The following ZNF385D variants were observed in gnomAD, a reference collection of about 807,000 sequenced individuals.
The protein encoded by ZNF385D is zinc finger protein 659.
Under a neutral mutation model 35.8 loss-of-function variants are expected in ZNF385D, and 15 were observed. The ratio of observed to expected loss-of-function variants is 0.42; its 90% CI spans 0.28 to 0.64. The LOEUF (loss-of-function observed/expected upper bound fraction) is 0.64, where lower values mean the gene tolerates loss of function less well. Among genes scored for constraint, ZNF385D ranks in the 30% least tolerant of loss-of-function variants. ZNF385D has a pLI of 0.23. For missense variants in ZNF385D, 474 were observed against 494.6 expected (o/e 0.96, Z 0.39); for synonymous variants, 212 against 186.8 (o/e 1.13, Z -1.10).
At chr3:21,924,884 C>T (rs1218164429) in intron 3 of ZNF385D, among the ~76,000 whole-genome samples, 1 of 152,252 alleles carries the variant, frequency 6.6e-6, no homozygotes, top group African/African-American at 2.4e-5. Flanking sequence ...CCCTACCTGG[C>T]AGTAAGAAAG....
intron 4 of ZNF385D, among the ~76,000 whole-genome samples, chr3:21,440,342 C>A (rs1302549330): frequency 1.3e-5 from 2 of 152,054 alleles, no homozygotes; most frequent in African/African-American, 2.4e-5. Context: ...CTTCTCGTAA[C>A]CCCTGTCTAA....
At chr3:22,004,023 A>C (rs1423690657) in intron 3 of ZNF385D, among the ~76,000 whole-genome samples, 1 of 152,316 alleles carries the variant, frequency 6.6e-6, no homozygotes, top group Middle Eastern at 3.4e-3. Flanking sequence ...AGTAACTAAA[A>C]CAGTACAGTA....
chr3:22,034,135 C>T (rs929415310), intron 3 of ZNF385D, among the ~76,000 whole-genome samples: 21 of 152,216 alleles, frequency 1.4e-4, no homozygotes, highest in African/African-American at 4.1e-4. Context: ...CAAATTCATA[C>T]CTTGAAACTT....
chr3:21,479,480 G>T (rs1355224109), intron 4 of ZNF385D, among the ~76,000 whole-genome samples: 1 of 152,030 alleles, frequency 6.6e-6, no homozygotes, highest in East Asian at 1.9e-4. Context: ...CTCTACTAAA[G>T]AGTAGATTTC....
chr3:22,170,058 T>C lies in ZNF385D; in HGVS notation c.107-1023A>G, dbSNP rs80009509. Reference sequence around the variant, plus strand: ...TAATACCTCATTTCTAAGTTTTCTCTACTTCCACTACCCAAGCCTCTCTAG... The same window carrying C: ...TAATACCTCATTTCTAAGTTTTCTCCACTTCCACTACCCAAGCCTCTCTAG... On this transcript the variant is annotated intron_variant, in intron 2 of 5. Coordinates refer to the ZNF385D transcript ENST00000494108. Among the ~76,000 whole-genome samples, 724 of 152,366 alleles carry C rather than the reference T, an allele frequency of 4.8e-3. 5 individuals are homozygous for C. Among genetic ancestry groups the C allele is most frequent in the African/African-American group, 0.016 (680 of 41,588 alleles).
At chr3:22,349,316 C>T (rs1274853440) in intron 2 of ZNF385D, among the ~76,000 whole-genome samples, 1 of 152,108 alleles carries the variant, frequency 6.6e-6, no homozygotes, top group Admixed American at 6.5e-5. Context: ...ACTTGTTCAC[C>T]ATATTCACTG....
chr3:21,940,402 G>A (rs1243942075), intron 3 of ZNF385D, among the ~76,000 whole-genome samples: 1 of 152,188 alleles, frequency 6.6e-6, no homozygotes. Flanking sequence ...TACTTGGCAA[G>A]TAAATTGGAT....
At chr3:21,881,450 A>C (rs1431881994) in intron 3 of ZNF385D, among the ~76,000 whole-genome samples, 1 of 152,008 alleles carries the variant, frequency 6.6e-6, no homozygotes, top group African/African-American at 2.4e-5. Context: ...ATATTGATTT[A>C]CTGATTATTT....
In ZNF385D at chr3:22,244,679, T is replaced by A. The variant is rs1451083380; in HGVS notation, c.107-75644A>T. Among the ~76,000 whole-genome samples the A allele has an allele frequency of 3.3e-5, 5 of 151,100 alleles. 1 individual carries two copies. The highest frequency in any genetic ancestry group is 1.2e-4 in the African/African-American group (5 of 40,838). On this transcript the variant is annotated intron_variant, in intron 2 of 5. Transcript: ENST00000494108. Reference sequence around the variant, plus strand: ...TATCCCTTAAATACAAATGACTTCATGGTCTGCAACTCTATGCTGAATTTA... The same window carrying A: ...TATCCCTTAAATACAAATGACTTCAAGGTCTGCAACTCTATGCTGAATTTA...
intron 1 of ZNF385D, among the ~76,000 whole-genome samples, chr3:21,687,947 T>C (rs1431509642): frequency 6.6e-6 from 1 of 152,060 alleles, no homozygotes; most frequent in Non-Finnish European, 1.5e-5. Flanking sequence ...AGGCTTGGAA[T>C]GCAGTAGCAC....
chr3:22,006,874 C>G (rs1696243081), intron 3 of ZNF385D, among the ~76,000 whole-genome samples: 1 of 151,716 alleles, frequency 6.6e-6, no homozygotes, highest in South Asian at 2.1e-4. Context: ...AGAGAGACAT[C>G]AGAAACCAAG....
At position 21,873,570 on chromosome 3, in the gene ZNF385D, C is replaced by G. The variant is rs1697805503; in HGVS notation, c.326-208542G>C. Among the ~76,000 whole-genome samples the G allele has an allele frequency of 2.0e-5, 3 of 152,060 alleles. No homozygotes were observed. In the South Asian group the frequency reaches 6.2e-4, roughly 31 times the overall value. On this transcript the variant is annotated intron_variant, in intron 3 of 5. Coordinates refer to the ZNF385D transcript ENST00000494108. ...TAACTATAAGCACTATGTTACACAGCTGATCTGCAGAACTTTTGCATCCTG... is the reference window on the plus strand; with the variant it reads ...TAACTATAAGCACTATGTTACACAGGTGATCTGCAGAACTTTTGCATCCTG...
intron 3 of ZNF385D, among the ~76,000 whole-genome samples, chr3:21,958,316 G>A (rs1050070739): frequency 6.6e-6 from 1 of 152,100 alleles, no homozygotes; most frequent in African/African-American, 2.4e-5. Context: ...CATGGGCTTT[G>A]CTGTCAGGCC....
At chr3:21,524,781 T>C (rs1335899869) in intron 3 of ZNF385D, among the ~76,000 whole-genome samples, 1 of 152,052 alleles carries the variant, frequency 6.6e-6, no homozygotes, top group Non-Finnish European at 1.5e-5. Context: ...GGAAATCTTA[T>C]AAAGGGGAGG....
intron 3 of ZNF385D, among the ~76,000 whole-genome samples, chr3:21,825,358 T>C (rs973869898): frequency 6.6e-6 from 1 of 152,234 alleles, no homozygotes; most frequent in Admixed American, 6.5e-5. Context: ...CGGTATTTTG[T>C]ATTCCTCTCA....
chr3:22,327,755 G>C (rs1278985240), intron 2 of ZNF385D, among the ~76,000 whole-genome samples: 7 of 152,122 alleles, frequency 4.6e-5, no homozygotes, highest in Non-Finnish European at 1.0e-4. Context: ...AAGGAGAAGG[G>C]AGCTATATTT....
chr3:21,779,404 T>G (rs909502078), intron 3 of ZNF385D, among the ~76,000 whole-genome samples: 1 of 151,798 alleles, frequency 6.6e-6, no homozygotes, highest in Non-Finnish European at 1.5e-5. Flanking sequence ...TTTATAAAAA[T>G]GTGAGGAAAA....
At position 21,668,675 on chromosome 3, in the gene ZNF385D, G is replaced by C. The variant is rs934588203; in HGVS notation, c.23-3647C>G. On this transcript the variant is annotated intron_variant, in intron 1 of 7. Coordinates refer to ENST00000281523, the MANE Select transcript of ZNF385D (RefSeq NM_024697.3). ...ACTAACATTTCTGCTTTTGAAATCT[G>C]GATTAGTCCTAAAATATTTTACTTG... is the stretch of plus-strand genomic sequence containing the variant. Among the ~76,000 whole-genome samples the C allele has an allele frequency of 9.2e-5, 14 of 152,258 alleles. 1 individual carries two copies. The highest frequency in any genetic ancestry group is 4.6e-4 in the Admixed American group (7 of 15,274).
intron 3 of ZNF385D, among the ~76,000 whole-genome samples, chr3:21,805,430 G>A (rs987923753): frequency 2.6e-5 from 4 of 152,054 alleles, no homozygotes; most frequent in Non-Finnish European, 5.9e-5. Flanking sequence ...TATCCTCAAC[G>A]ATTCATAGTC....
Sources: gnomAD v4.1 joint callset for allele counts (sites outside exome capture counted in the v4.1 genomes callset) on GRCh38, gnomAD v4.1.1 for gene constraint, MANE v1.5 for transcripts, NCBI Gene and HGNC (gene_info 2026-07-23, HGNC 2026-07-21) for gene names.